Variants in CDH10 observed in about 807,000 individuals in gnomAD.
The protein encoded by CDH10 is cadherin 10, also known as cadherin-10.
CDH10 carries 30 observed loss-of-function variants against 73.1 expected under a neutral mutation model. The ratio of observed to expected loss-of-function variants is 0.41; its 90% CI spans 0.31 to 0.56. The LOEUF (loss-of-function observed/expected upper bound fraction) is 0.56, where lower values mean the gene tolerates loss of function less well. Among genes scored for constraint, CDH10 ranks in the 20% least tolerant of loss-of-function variants. The pLI, the probability that CDH10 is intolerant of heterozygous loss-of-function variation, is 0.27. For missense variants in CDH10, 815 were observed against 973.7 expected, an observed-to-expected ratio of 0.84 and a Z score of 2.17; for synonymous variants, 345 against 348.2, an observed-to-expected ratio of 0.99 and a Z score of 0.10.
At chr5:24,578,355 G>T (rs1196110133) in intron 2 of CDH10, 1 of 216,652 alleles carries the variant, frequency 4.6e-6, no homozygotes, top group Non-Finnish European at 1.1e-5. Context: ...TTTATTGAAA[G>T]AAGCATCTTC....
chr5:24,566,582 G>A (rs1745173432), intron 2 of CDH10, among the ~76,000 whole-genome samples: 1 of 152,018 alleles, frequency 6.6e-6, no homozygotes, highest in Non-Finnish European at 1.5e-5. Context: ...TTTGTCCAAG[G>A]TATGAGAACA....
intron 1 of CDH10, among the ~76,000 whole-genome samples, chr5:24,636,206 T>G (rs1229642443): frequency 6.6e-6 from 1 of 151,954 alleles, no homozygotes; most frequent in Non-Finnish European, 1.5e-5. Context: ...TGTCCTATGA[T>G]GTAAGTATAA....
At chr5:24,590,468 A>T (rs1464493864) in intron 2 of CDH10, among the ~76,000 whole-genome samples, 1 of 151,926 alleles carries the variant, frequency 6.6e-6, no homozygotes, top group Non-Finnish European at 1.5e-5. Context: ...AAGAAAATGA[A>T]GGCCAAGAGA....
intron 2 of CDH10, among the ~76,000 whole-genome samples, chr5:24,567,116 A>G (rs538824575): frequency 6.6e-6 from 1 of 151,926 alleles, no homozygotes; most frequent in African/African-American, 2.4e-5. Context: ...ATCCTTAGTC[A>G]TCAGAAAAAT....
chr5:24,526,292 A>T (rs1388119853), intron 5 of CDH10, among the ~76,000 whole-genome samples: 3 of 151,994 alleles, frequency 2.0e-5, no homozygotes, highest in Non-Finnish European at 4.4e-5. Flanking sequence ...TGTTCCAAGT[A>T]GGTTTTTGTA....
Position 24,511,454 on chromosome 5 carries a change from T to C in CDH10, c.875A>G (p.Lys292Arg), listed in dbSNP as rs2111766152. 6.2e-7 allele frequency: 1 copy of C among 1,609,960 alleles called. No homozygotes were observed. The part of the protein sequence containing the change: ...SPVGTAIGSV[K>R]ATDADTGKNA... Reference sequence around the variant, plus strand: ...TTTCCCAGTGTCAGCATCAGTTGCTTTGACACTTCCAATGGCTGTGCCAAC... The same window carrying C: ...TTTCCCAGTGTCAGCATCAGTTGCTCTGACACTTCCAATGGCTGTGCCAAC... The change falls in exon 6 of 12, where the codon AAA becomes AGA. Residue 292 changes from lysine (K) to arginine (R), a missense_variant. Lys to Arg is a conservative substitution (Grantham distance 26, BLOSUM62 2). This residue lies in a region of CDH10 where 516 missense variants were observed against 636.6 expected (regional missense o/e 0.81). Transcript: ENST00000264463.
At chr5:24,643,044 G>A (rs755214158) in intron 1 of CDH10, among the ~76,000 whole-genome samples, 22 of 150,930 alleles carry the variant, frequency 1.5e-4, no homozygotes, top group African/African-American at 5.4e-4. Context: ...TGCATCTGAC[G>A]TGTCCCTAAG....
intron 2 of CDH10, among the ~76,000 whole-genome samples, chr5:24,540,517 T>C (rs1333425001): frequency 6.6e-6 from 1 of 151,900 alleles, no homozygotes; most frequent in Admixed American, 6.6e-5. Context: ...GGAGTTTCTG[T>C]TGGATTAGAA....
At chr5:24,562,184 A>T (rs1203786608) in intron 2 of CDH10, among the ~76,000 whole-genome samples, 2 of 152,116 alleles carry the variant, frequency 1.3e-5, no homozygotes, top group African/African-American at 4.8e-5. Flanking sequence ...ATGTAAATTT[A>T]AAAATACACT....
intron 2 of CDH10, among the ~76,000 whole-genome samples, chr5:24,545,067 A>G (rs566080905): frequency 6.6e-6 from 1 of 152,296 alleles, no homozygotes; most frequent in South Asian, 2.1e-4. Context: ...AAATAGACAC[A>G]TTATTTCTCA....
intron 1 of CDH10, among the ~76,000 whole-genome samples, chr5:24,605,745 C>G (rs1163467752): frequency 6.6e-6 from 1 of 152,152 alleles, no homozygotes; most frequent in East Asian, 1.9e-4. Flanking sequence ...AAAATTTGTT[C>G]ACATAAAACT....
At position 24,593,338 on chromosome 5, in the gene CDH10, A is replaced by T. The variant is rs2112092812; in HGVS notation, c.153T>A (p.Arg51=). 6.2e-7 allele frequency: 1 copy of T among 1,613,142 alleles called. No individual in the cohort carries two copies. Among genetic ancestry groups the T allele is most frequent in the South Asian group, 1.1e-5 (1 of 91,072 alleles). The change falls in exon 2 of 12, where the codon CGT becomes CGA. Residue 51 remains arginine, a synonymous_variant. Transcript: ENST00000264463. The part of the protein sequence containing the change: ...VPRSDGKILH[R]QKRGWMWNQF... Reference sequence around the variant, plus strand: ...GATTCCACATCCAACCACGTTTTTGACGATGGAGAATTTTGCCATCACTCC... The same window carrying T: ...GATTCCACATCCAACCACGTTTTTGTCGATGGAGAATTTTGCCATCACTCC...
chr5:24,602,580 C>A (rs1295885941), intron 1 of CDH10, among the ~76,000 whole-genome samples: 1 of 152,114 alleles, frequency 6.6e-6, no homozygotes, highest in Non-Finnish European at 1.5e-5. Context: ...CCCAATTAGA[C>A]ATTCTGCAAC....
chr5:24,610,353 T>A (rs1430084717), intron 1 of CDH10, among the ~76,000 whole-genome samples: 1 of 152,212 alleles, frequency 6.6e-6, no homozygotes, highest in Non-Finnish European at 1.5e-5. Flanking sequence ...ATTTTTAATC[T>A]TAGTTACAAT....
rs138671717 is a variant in CDH10 at position 24,501,582 on chromosome 5, C to A, written c.1394-3063G>T. On this transcript the variant is annotated intron_variant, in intron 8 of 11. Coordinates refer to ENST00000264463, the MANE Select transcript of CDH10 (RefSeq NM_006727.5). ...CAATAAAGGATCTTAAAATGTATGT[C>A]CTAAGGTGAAGCCATGACGATGCAT... is the stretch of plus-strand genomic sequence containing the variant. Among the ~76,000 whole-genome samples, 1,248 of 152,252 alleles carry A rather than the reference C, an allele frequency of 8.2e-3. 14 individuals are homozygous for A. The highest frequency in any genetic ancestry group is 0.028 in the African/African-American group (1,149 of 41,534).
intron 2 of CDH10, among the ~76,000 whole-genome samples, chr5:24,564,405 T>A (rs1745091815): frequency 6.6e-6 from 1 of 152,160 alleles, no homozygotes; most frequent in South Asian, 2.1e-4. Context: ...TGTTTTCAGT[T>A]CAGTGAAGGC....
At chr5:24,539,824 G>C (rs915236645) in intron 2 of CDH10, among the ~76,000 whole-genome samples, 3 of 152,068 alleles carry the variant, frequency 2.0e-5, no homozygotes, top group African/African-American at 7.2e-5. Context: ...AATGTACATA[G>C]TTGCTGGGAA....
At chr5:24,573,572 G>A (rs1347593041) in intron 2 of CDH10, among the ~76,000 whole-genome samples, 1 of 151,394 alleles carries the variant, frequency 6.6e-6, no homozygotes, top group Non-Finnish European at 1.5e-5. Flanking sequence ...GTGGTGGCGG[G>A]CACCTGTAGT....
intron 2 of CDH10, among the ~76,000 whole-genome samples, chr5:24,540,267 A>C (rs1470436423): frequency 1.3e-5 from 2 of 151,966 alleles, no homozygotes; most frequent in African/African-American, 4.8e-5. Flanking sequence ...CATTTTAGAA[A>C]GAACACTGCA....
Sources: gnomAD v4.1 joint callset for allele counts (sites outside exome capture counted in the v4.1 genomes callset) on GRCh38, gnomAD v4.1.1 for gene constraint, gnomAD v4.1.1 regional missense constraint, MANE v1.5 for transcripts, NCBI Gene and HGNC (gene_info 2026-07-23, HGNC 2026-07-21) for gene names.